SPMIP2: variants seen among roughly 807,000 people sequenced by gnomAD.
The protein encoded by SPMIP2 is protein SPMIP2.
At chr4:158,901,763 C>A in the SPMIP2 span, among the ~76,000 whole-genome samples, 1 of 151,674 alleles carries the variant, frequency 6.6e-6, no homozygotes, top group Non-Finnish European at 1.5e-5. Context: ...AGCCTTTCTT[C>A]TGCTTGATTG....
chr4:158,893,583 A>G, the SPMIP2 span: 2 of 826,016 alleles, frequency 2.4e-6, no homozygotes, highest in Non-Finnish European at 3.8e-6. Context: ...TACTCTTGCA[A>G]GACATCTGTC....
At chr4:159,052,323 T>C in the SPMIP2 span, among the ~76,000 whole-genome samples, 1 of 152,084 alleles carries the variant, frequency 6.6e-6, no homozygotes, top group Non-Finnish European at 1.5e-5. Flanking sequence ...ATGGTAACAA[T>C]CAGCTACAGC....
the SPMIP2 span, among the ~76,000 whole-genome samples, chr4:159,062,679 A>AT: frequency 6.6e-3 from 387 of 58,498 alleles, 2 homozygotes; most frequent in Non-Finnish European, 0.013. Flanking sequence ...GGCTGATTGC[A>AT]TTTTTTTTTG....
At chr4:158,895,960 G>A in the SPMIP2 span, 14 of 873,280 alleles carry the variant, frequency 1.6e-5, 1 homozygote, top group South Asian at 2.0e-4. Flanking sequence ...CTAAACCTCA[G>A]GCCCTGGTAA....
At chr4:159,049,642 C>CT in the SPMIP2 span, among the ~76,000 whole-genome samples, 2 of 152,102 alleles carry the variant, frequency 1.3e-5, no homozygotes, top group Non-Finnish European at 2.9e-5. Context: ...AATACAATCA[C>CT]TTGTTTGATT....
At chr4:158,958,124 C>T in the SPMIP2 span, among the ~76,000 whole-genome samples, 2 of 152,064 alleles carry the variant, frequency 1.3e-5, no homozygotes, top group African/African-American at 2.4e-5. Flanking sequence ...TCAGCCCCCT[C>T]AGTAGCTGGG....
At chr4:158,994,359 A>G in the SPMIP2 span, among the ~76,000 whole-genome samples, 1 of 152,340 alleles carries the variant, frequency 6.6e-6, no homozygotes, top group South Asian at 2.1e-4. Context: ...ATTTCCAACT[A>G]GCAACTTAAT....
chr4:158,973,025 G>T, the SPMIP2 span: 2 of 1,144,158 alleles, frequency 1.7e-6, no homozygotes, highest in Non-Finnish European at 2.5e-6. Flanking sequence ...AATTCATAAA[G>T]AATTCAAGTT....
the SPMIP2 span, among the ~76,000 whole-genome samples, chr4:158,973,619 C>G: frequency 6.6e-6 from 1 of 152,062 alleles, no homozygotes; most frequent in Middle Eastern, 3.2e-3. Flanking sequence ...CTAACAAGCT[C>G]TTTGTACCCA....
the SPMIP2 span, among the ~76,000 whole-genome samples, chr4:158,984,316 C>T: frequency 7.9e-6 from 1 of 126,738 alleles, no homozygotes; most frequent in Admixed American, 8.7e-5. Context: ...CACCCCAAAT[C>T]CACAGAATAT....
the SPMIP2 span, among the ~76,000 whole-genome samples, chr4:159,023,942 G>T: frequency 6.6e-6 from 1 of 152,138 alleles, no homozygotes; most frequent in Non-Finnish European, 1.5e-5. Context: ...GCTGTTGTAG[G>T]TCCTTTTCAG....
At chr4:158,924,796 C>A in the SPMIP2 span, among the ~76,000 whole-genome samples, 2 of 152,178 alleles carry the variant, frequency 1.3e-5, no homozygotes, top group African/African-American at 4.8e-5. Context: ...AGGCATGTAC[C>A]ACCATGCCTG....
At chr4:158,924,679 G>A in the SPMIP2 span, among the ~76,000 whole-genome samples, 1 of 152,120 alleles carries the variant, frequency 6.6e-6, no homozygotes, top group Non-Finnish European at 1.5e-5. Context: ...ACTGCACCTG[G>A]CCTATTTGTT....
the SPMIP2 span, chr4:158,915,422 A>C: frequency 7.5e-7 from 1 of 1,331,410 alleles, no homozygotes; most frequent in Non-Finnish European, 1.0e-6. Context: ...ACCAGTTTTC[A>C]GATAGTTGAG....
At chr4:159,056,203 CTT>C in the SPMIP2 span, among the ~76,000 whole-genome samples, 2 of 152,358 alleles carry the variant, frequency 1.3e-5, no homozygotes, top group Admixed American at 6.5e-5. Flanking sequence ...GGACCCCTGA[CTT>C]TGGCTTACAT....
chr4:158,965,132 C>T, the SPMIP2 span, among the ~76,000 whole-genome samples: 788 of 152,142 alleles, frequency 5.2e-3, 7 homozygotes, highest in African/African-American at 0.018. Flanking sequence ...AAACAAAAAA[C>T]GAAACAAAAC....
chr4:159,016,437 G>T, the SPMIP2 span, among the ~76,000 whole-genome samples: 1 of 152,066 alleles, frequency 6.6e-6, no homozygotes, highest in Admixed American at 6.6e-5. Context: ...GCTCCATCAG[G>T]TGTTACTTTT....
the SPMIP2 span, among the ~76,000 whole-genome samples, chr4:159,008,774 T>C: frequency 1.3e-5 from 2 of 152,354 alleles, no homozygotes; most frequent in Non-Finnish European, 2.9e-5. Flanking sequence ...TAAAACAATA[T>C]TGCATTGTCT....
At chr4:159,033,100 A>C in the SPMIP2 span, among the ~76,000 whole-genome samples, 177 of 152,324 alleles carry the variant, frequency 1.2e-3, 1 homozygote, top group Admixed American at 5.2e-3. Context: ...CCACACAGTG[A>C]AATATTATTC....
Sources: allele counts gnomAD v4.1 joint callset (sites outside exome capture counted in the v4.1 genomes callset), GRCh38; gene constraint gnomAD v4.1.1; transcripts MANE v1.5; gene names NCBI Gene and HGNC (gene_info 2026-07-23, HGNC 2026-07-21).